Variants in PSG11 observed in about 807,000 individuals in gnomAD.
PSG11 encodes pregnancy-specific beta-1-glycoprotein 11.
PSG11 carries 42 observed loss-of-function variants against 36.0 expected under a neutral mutation model. The observed-to-expected ratio is 1.17, with a 90% CI of 0.91 to 1.51. The LOEUF is 1.51. PSG11 is among the 40% of genes most tolerant of loss of function. The pLI, the probability that PSG11 is intolerant of heterozygous loss-of-function variation, is 0.00. For synonymous variants in PSG11, 206 were observed against 153.5 expected, an observed-to-expected ratio of 1.34 and a Z score of -2.53; for missense variants, 558 against 403.5, an observed-to-expected ratio of 1.38 and a Z score of -3.28.
intron 2 of PSG11, among the ~76,000 whole-genome samples, chr19:43,023,156 G>T (rs1323058350): frequency 2.7e-5 from 4 of 150,510 alleles, no homozygotes; most frequent in Non-Finnish European, 5.9e-5. Context: ...ACATGAGGTG[G>T]GGTGGCTTTA....
intron 2 of PSG11, chr19:43,024,373 C>A (rs554287039): frequency 3.0e-5 from 14 of 472,096 alleles, no homozygotes; most frequent in South Asian, 1.6e-4. Flanking sequence ...CTACTCAGTT[C>A]TCCAGGGTCT....
intron 3 of PSG11, chr19:43,018,464 C>T (rs1269884676): frequency 1.8e-5 from 10 of 560,890 alleles, no homozygotes; most frequent in Middle Eastern, 4.9e-4. Flanking sequence ...TGAGCCAAGT[C>T]GCAAGACTGA....
Position 43,012,210 on chromosome 19 carries a change from C to T in PSG11, c.965-2169G>A, listed in dbSNP as rs983239450. On this transcript the variant is annotated intron_variant, in intron 4 of 5. Coordinates refer to ENST00000320078, the MANE Select transcript of PSG11 (RefSeq NM_002785.3). ...TAACATCATACTCAATGGAGAAAGACTGAAAGCTTCCCCTCTATGAGCAGG... is the reference window on the plus strand; with the variant it reads ...TAACATCATACTCAATGGAGAAAGATTGAAAGCTTCCCCTCTATGAGCAGG... 7.9e-5 allele frequency among the ~76,000 whole-genome samples: 12 copies of T among 151,416 alleles called. 1 individual carries two copies. Among genetic ancestry groups the T allele is most frequent in the Non-Finnish European group, 1.6e-4 (11 of 67,924 alleles).
chr19:43,025,664 T>C (rs1176533777), intron 1 of PSG11, among the ~76,000 whole-genome samples: 2 of 150,212 alleles, frequency 1.3e-5, no homozygotes, highest in African/African-American at 4.9e-5. Flanking sequence ...TGTTTTTTTT[T>C]TTTTCCCCAA....
chr19:43,012,048 G>C (rs1974090663), intron 4 of PSG11, among the ~76,000 whole-genome samples: 1 of 151,122 alleles, frequency 6.6e-6, no homozygotes, highest in Non-Finnish European at 1.5e-5. Flanking sequence ...ACAAAAATAT[G>C]AATAAAACTA....
Position 43,024,886 on chromosome 19 carries a change from T to C in PSG11, c.235A>G (p.Ile79Val), listed in dbSNP as rs750023952. The part of the protein sequence containing the change: ...KGQIRDLYHY[I>V]TSYVVDGQII... ...TGACCGTCTACTACATATGATGTAA[T>C]GTAATGGTAGAGGTCCCTGATTTGC... The change falls in exon 2 of 6, where the codon ATT becomes GTT. Residue 79 changes from isoleucine to valine, a missense_variant. Physicochemically the swap from Ile to Val is conservative, Grantham distance 29. Coordinates refer to ENST00000320078, the MANE Select transcript of PSG11 (RefSeq NM_002785.3). 4 of 1,611,738 alleles carry C rather than the reference T, an allele frequency of 2.5e-6. No homozygotes were observed. In the Admixed American group the frequency reaches 5.0e-5, roughly 20 times the overall value.
intron 3 of PSG11, among the ~76,000 whole-genome samples, chr19:43,016,400 C>CT (rs1172815414): frequency 6.6e-6 from 1 of 151,166 alleles, no homozygotes; most frequent in Non-Finnish European, 1.5e-5. Flanking sequence ...TGTGCAACTG[C>CT]TGGGCCCCTT....
chr19:43,010,101 G>A lies in PSG11; in HGVS notation c.965-60C>T, dbSNP rs374188660. 3,377 of 1,565,522 alleles carry A rather than the reference G, an allele frequency of 2.2e-3. 72 individuals carry two copies. The highest frequency in any genetic ancestry group is 2.7e-3 in the Non-Finnish European group (3,053 of 1,140,592). On this transcript the variant is annotated intron_variant, in intron 4 of 5. Transcript: ENST00000320078. ...GTGATGTTATTTTACATGGGGGAGC[G>A]TCAGGAACAAGCATGTAACATGAGA...
chr19:43,025,032 A>G lies in PSG11; in HGVS notation c.89T>C (p.Leu30Ser), dbSNP rs147812985. Residue 30 changes from leucine to serine, a missense_variant, in exon 2 of 6, where the codon TTG becomes TCG. Physicochemically the swap from Leu to Ser is moderately radical, Grantham distance 145. Coordinates refer to ENST00000320078, the MANE Select transcript of PSG11 (RefSeq NM_002785.3). ...AATCATGACTTGGGCAGTGGTAGGC[A>G]AGTTCCAGAAGTTTAAAAGTAATGC... ...LTALLLNFWN[L>S]PTTAQVMIEA... 189 of 1,608,898 alleles carry G rather than the reference A, an allele frequency of 1.2e-4. 2 individuals are homozygous for G. Among genetic ancestry groups the G allele is most frequent in the Middle Eastern group, 1.6e-4 (1 of 6,066 alleles).
At chr19:43,014,457 T>G in intron 4 of PSG11, 1 of 965,980 alleles carries the variant, frequency 1.0e-6, no homozygotes, top group Non-Finnish European at 1.2e-6. Flanking sequence ...AGCTCAGGAG[T>G]CTGCCCTGAG....
At chr19:43,022,112 A>C (rs979968922) in intron 2 of PSG11, among the ~76,000 whole-genome samples, 1 of 151,582 alleles carries the variant, frequency 6.6e-6, no homozygotes. Flanking sequence ...CTAGTGAAAG[A>C]CCATGAGATT....
At chr19:43,016,040 G>C (rs1966956964) in intron 3 of PSG11, 2 of 1,608,962 alleles carry the variant, frequency 1.2e-6, no homozygotes, top group Non-Finnish European at 1.7e-6. Flanking sequence ...GGCATGGGCA[G>C]CTTTGCTGTG....
At position 43,010,406 on chromosome 19, in the gene PSG11, G is replaced by C. The variant is rs1262839270; in HGVS notation, c.965-365C>G. On this transcript the variant is annotated intron_variant, in intron 4 of 5. Coordinates refer to ENST00000320078, the MANE Select transcript of PSG11 (RefSeq NM_002785.3). ...TTGTGGCAGTCATGAATGAGACTCTGTCAGATCTCCATGGCAGGGACCTGA... is the reference window on the plus strand; with the variant it reads ...TTGTGGCAGTCATGAATGAGACTCTCTCAGATCTCCATGGCAGGGACCTGA... 5 of 1,543,798 alleles carry C rather than the reference G, an allele frequency of 3.2e-6. 1 individual carries two copies. In the African/African-American group the frequency reaches 5.6e-5, roughly 17 times the overall value.
chr19:43,015,298 C>A lies in PSG11; in HGVS notation c.782G>T (p.Cys261Phe), dbSNP rs1966932526. Residue 261 changes from cysteine (C) to phenylalanine (F), a missense_variant, in exon 4 of 6, where the codon TGC becomes TTC. Cys to Phe is a radical substitution (Grantham distance 205, BLOSUM62 -2). Transcript: ENST00000320078. ...YYSGENLDLS[C>F]FANSNPPAQY... Reference sequence around the variant, plus strand: ...TGCTGGTGGGTTAGAGTTTGCGAAGCAGGACAAGTCGAGGTTCTCTCCTGA... The same window carrying A: ...TGCTGGTGGGTTAGAGTTTGCGAAGAAGGACAAGTCGAGGTTCTCTCCTGA... The A allele has an allele frequency of 1.9e-6, 3 of 1,610,360 alleles. No individual in the cohort carries two copies. Among genetic ancestry groups the A allele is most frequent in the Non-Finnish European group, 2.5e-6 (3 of 1,177,516 alleles).
chr19:43,013,426 A>C (rs2122792446), intron 4 of PSG11, among the ~76,000 whole-genome samples: 1 of 151,474 alleles, frequency 6.6e-6, no homozygotes, highest in East Asian at 1.9e-4. Context: ...ACATCCAAAA[A>C]CCCAATTAAA....
chr19:43,009,957 C>G lies in PSG11; in HGVS notation c.*40+1G>C, dbSNP rs1398939368. 3 of 1,575,232 alleles carry G rather than the reference C, an allele frequency of 1.9e-6. No homozygotes were observed. The South Asian group carries it at 3.3e-5, about 18-fold the overall frequency. On this transcript the variant is annotated splice_donor_variant, in intron 5 of 5. Coordinates refer to ENST00000320078, the MANE Select transcript of PSG11 (RefSeq NM_002785.3). LOFTEE classifies it low-confidence loss of function (3UTR_SPLICE). Reference sequence around the variant, plus strand: ...CAGGATAAGAGAAAAGGTCATCATACCTGCCAGTCTTCCTGAAATACAAAA... The same window carrying G: ...CAGGATAAGAGAAAAGGTCATCATAGCTGCCAGTCTTCCTGAAATACAAAA...
chr19:43,015,637 G>T, intron 3 of PSG11: 1 of 1,497,636 alleles, frequency 6.7e-7, no homozygotes, highest in Non-Finnish European at 8.9e-7. Flanking sequence ...CCCAGGGCAG[G>T]GAGTCATGGC....
chr19:43,010,301 G>C, intron 4 of PSG11: 1 of 1,494,080 alleles, frequency 6.7e-7, no homozygotes, highest in Non-Finnish European at 8.9e-7. Context: ...CGTGAGAAAG[G>C]CTGATTGCTA....
chr19:43,014,725 C>A lies in PSG11; in HGVS notation c.964+391G>T, dbSNP rs190640806. The A allele has an allele frequency of 4.1e-6, 5 of 1,209,422 alleles. No homozygotes were observed. In the African/African-American group the frequency reaches 6.3e-5, roughly 15 times the overall value. The allele number at this position is 1,209,422 out of a possible 1,614,324, so 74.9% of individuals were successfully genotyped here. A position where few individuals can be genotyped will look rare whatever the true frequency, so the allele number is the denominator to read the frequency against. On this transcript the variant is annotated intron_variant, in intron 4 of 5. Transcript: ENST00000320078. ...GGAAAAGTGTGAGCTTGTTTCAAAG[C>A]CTCAGATGTTCCTTGTAGTTCATGG...
Sources: gnomAD v4.1 joint callset for allele counts (sites outside exome capture counted in the v4.1 genomes callset) on GRCh38, gnomAD v4.1.1 for gene constraint, MANE v1.5 for transcripts, NCBI Gene and HGNC (gene_info 2026-07-23, HGNC 2026-07-21) for gene names.